The following PRKAR1A variants were observed in gnomAD, a reference collection of about 807,000 sequenced individuals.
PRKAR1A encodes cAMP-dependent protein kinase type I-alpha regulatory subunit.
Under a neutral mutation model 52.0 loss-of-function variants are expected in PRKAR1A, and 3 were observed. That is an observed-to-expected ratio of 0.06 (90% CI 0.03 to 0.15). PRKAR1A has a LOEUF of 0.15. PRKAR1A is among the 10% of genes least tolerant of loss of function. PRKAR1A has a pLI of 1.00. For synonymous variants in PRKAR1A, 188 were observed against 168.4 expected (o/e 1.12, Z -0.90); for missense variants, 240 against 477.4 (o/e 0.50, Z 4.63).
At chr17:68,475,964 ATGT>A in the PRKAR1A span, among the ~76,000 whole-genome samples, 3 of 151,932 alleles carry the variant, frequency 2.0e-5, no homozygotes, top group Non-Finnish European at 4.4e-5. Flanking sequence ...TGGCAATGTG[ATGT>A]TGATTTTTTG....
At chr17:68,511,253 T>C (rs1411166237), upstream of PRKAR1A, among the ~76,000 whole-genome samples, 1 of 152,186 alleles carries the variant, frequency 6.6e-6, no homozygotes, top group Non-Finnish European at 1.5e-5. Flanking sequence ...TAGAAATATA[T>C]ACAATGCTAC....
intron 1 of PRKAR1A, 157 bp downstream of exon 1, chr17:68,512,705 G>C (rs2085297811): frequency 6.6e-6 from 1 of 151,672 alleles, no homozygotes; most frequent in African/African-American, 2.4e-5. Flanking sequence ...GCGCCTCCCC[G>C]CAGGCCTCAC....
chr17:68,541,200 T>C (rs1268305155), intron 11 of PRKAR1A: 1 of 520,198 alleles, frequency 1.9e-6, no homozygotes, highest in Non-Finnish European at 3.4e-6. Context: ...GGATACTGTG[T>C]GCCAGAGGGG....
the PRKAR1A span, chr17:68,425,987 G>A: frequency 7.9e-6 from 8 of 1,008,112 alleles, no homozygotes; most frequent in Non-Finnish European, 1.2e-5. Context: ...TAGAAAACAG[G>A]GAAAGGGACT....
chr17:68,432,772 C>T, the PRKAR1A span, among the ~76,000 whole-genome samples: 41 of 152,198 alleles, frequency 2.7e-4, no homozygotes, highest in East Asian at 6.9e-3. Context: ...GTTGGGGTAA[C>T]GTTTTCAAAG....
chr17:68,483,578 C>G, the PRKAR1A span, among the ~76,000 whole-genome samples: 3 of 152,082 alleles, frequency 2.0e-5, no homozygotes, highest in East Asian at 5.8e-4. Context: ...AATCAATTGT[C>G]AGGCCAGGTG....
chr17:68,470,309 T>G, the PRKAR1A span, among the ~76,000 whole-genome samples: 1 of 152,208 alleles, frequency 6.6e-6, no homozygotes, highest in Admixed American at 6.5e-5. Context: ...CTGAAACTCC[T>G]GACTGCGTGA....
the PRKAR1A span, chr17:68,427,373 T>C: frequency 6.4e-6 from 5 of 776,116 alleles, no homozygotes; most frequent in Non-Finnish European, 1.0e-5. Context: ...TTATTTATTT[T>C]TGAGGCAGGG....
At chr17:68,513,156 C>CT (rs2085322281) in intron 1 of PRKAR1A, 1 of 152,392 alleles carries the variant, frequency 6.6e-6, no homozygotes, top group African/African-American at 2.4e-5. Flanking sequence ...CTCGCCACCA[C>CT]TGTGGCCTTC....
the PRKAR1A span, among the ~76,000 whole-genome samples, chr17:68,437,293 AC>A: frequency 6.6e-6 from 1 of 151,954 alleles, no homozygotes; most frequent in Non-Finnish European, 1.5e-5. Flanking sequence ...GGTGGCCCAC[AC>A]CTGTGATCCC....
chr17:68,487,103 A>G, the PRKAR1A span, among the ~76,000 whole-genome samples: 1 of 151,954 alleles, frequency 6.6e-6, no homozygotes, highest in African/African-American at 2.4e-5. Flanking sequence ...CGAACTCCTG[A>G]CCTCGTGATC....
chr17:68,480,477 C>T, the PRKAR1A span, among the ~76,000 whole-genome samples: 2 of 152,112 alleles, frequency 1.3e-5, no homozygotes, highest in African/African-American at 2.4e-5. Context: ...AGATCCAAAC[C>T]CACTGGAAAT....
At chr17:68,496,920 C>T in the PRKAR1A span, among the ~76,000 whole-genome samples, 1 of 140,940 alleles carries the variant, frequency 7.1e-6, no homozygotes, top group Non-Finnish European at 1.5e-5. Flanking sequence ...ACCTCCTGGG[C>T]CCAAGTGATC....
intron 2 of PRKAR1A, among the ~76,000 whole-genome samples, chr17:68,521,293 G>A (rs1344110916): frequency 1.1e-4 from 17 of 152,012 alleles, no homozygotes; most frequent in Admixed American, 7.9e-4. Flanking sequence ...GCAGTGGTGC[G>A]ATCATGGCTC....
chr17:68,426,104 A>G, the PRKAR1A span: 1 of 1,612,732 alleles, frequency 6.2e-7, no homozygotes, highest in South Asian at 1.1e-5. Context: ...TCATCAAGAC[A>G]CACTGGTCCC....
the PRKAR1A span, among the ~76,000 whole-genome samples, chr17:68,488,565 T>G: frequency 6.6e-6 from 1 of 151,608 alleles, no homozygotes; most frequent in Non-Finnish European, 1.5e-5. Context: ...CCATCTCTAC[T>G]AAAAATACAA....
chr17:68,509,068 G>C (rs1466902771), upstream of PRKAR1A, among the ~76,000 whole-genome samples: 3 of 152,122 alleles, frequency 2.0e-5, no homozygotes, highest in Non-Finnish European at 4.4e-5. Context: ...GACCACCAAA[G>C]TATTCCTTCC....
the PRKAR1A span, among the ~76,000 whole-genome samples, chr17:68,505,322 C>G: frequency 1.3e-5 from 2 of 151,922 alleles, no homozygotes; most frequent in Admixed American, 6.6e-5. Flanking sequence ...TAAAATAAAA[C>G]GAAAATCAGT....
At chr17:68,464,180 A>G in the PRKAR1A span, among the ~76,000 whole-genome samples, 89 of 152,310 alleles carry the variant, frequency 5.8e-4, no homozygotes, top group African/African-American at 2.1e-3. Context: ...TGGCATATCT[A>G]ATCCTTTCTT....
Sources: allele counts gnomAD v4.1 joint callset (sites outside exome capture counted in the v4.1 genomes callset), GRCh38; gene constraint gnomAD v4.1.1; transcripts MANE v1.5; gene names NCBI Gene and HGNC (gene_info 2026-07-23, HGNC 2026-07-21).